CTNNA2: variants seen among roughly 807,000 people sequenced by gnomAD.
The protein encoded by CTNNA2 is catenin alpha 2, also known as catenin alpha-2.
A neutral mutation model predicts 101.0 loss-of-function variants in CTNNA2; 42 were observed. The ratio of observed to expected loss-of-function variants is 0.42; its 90% CI spans 0.32 to 0.54. The LOEUF is 0.54. Ranked by LOEUF, CTNNA2 falls within the 20% of genes least tolerant of loss-of-function variation. The pLI is 0.14. For missense variants in CTNNA2, 871 were observed against 1,223.1 expected, an observed-to-expected ratio of 0.71 and a Z score of 4.29; for synonymous variants, 450 against 456.4, an observed-to-expected ratio of 0.99 and a Z score of 0.18.
At chr2:80,529,829 C>G (rs1023442404) in intron 9 of CTNNA2, among the ~76,000 whole-genome samples, 1 of 152,132 alleles carries the variant, frequency 6.6e-6, no homozygotes. Context: ...CAGACTGATT[C>G]AGCGAGGGGG....
intron 3 of CTNNA2, among the ~76,000 whole-genome samples, chr2:79,820,698 A>G (rs1023371511): frequency 3.3e-5 from 5 of 152,236 alleles, no homozygotes; most frequent in Non-Finnish European, 7.3e-5. Context: ...ATTTTGAAAC[A>G]TGTCTGAAAG....
chr2:79,297,042 C>T (rs1204375972), intron 2 of CTNNA2, among the ~76,000 whole-genome samples: 1 of 152,076 alleles, frequency 6.6e-6, no homozygotes, highest in African/African-American at 2.4e-5. Context: ...GATTTGTCCC[C>T]ATGTATCATT....
At chr2:79,793,837 TTTTCA>T (rs955039535) in intron 3 of CTNNA2, among the ~76,000 whole-genome samples, 12 of 152,046 alleles carry the variant, frequency 7.9e-5, no homozygotes, top group African/African-American at 2.7e-4. Context: ...TTCATTTTTC[TTTTCA>T]TTTCTTTTTC....
intron 4 of CTNNA2, among the ~76,000 whole-genome samples, chr2:79,411,212 T>C (rs543437528): frequency 1.3e-5 from 2 of 152,186 alleles, no homozygotes; most frequent in East Asian, 3.9e-4. Context: ...TTAGTCTTGC[T>C]AGCGGTCTAT....
At chr2:79,376,895 T>A (rs1344731146) in intron 4 of CTNNA2, among the ~76,000 whole-genome samples, 1 of 152,228 alleles carries the variant, frequency 6.6e-6, no homozygotes, top group Non-Finnish European at 1.5e-5. Context: ...TTGTTGGACA[T>A]TTGGCTTGGT....
intron 3 of CTNNA2, among the ~76,000 whole-genome samples, chr2:79,349,265 A>G (rs993612937): frequency 6.6e-6 from 1 of 152,226 alleles, no homozygotes; most frequent in Non-Finnish European, 1.5e-5. Context: ...CAAGCGTGCT[A>G]TTCTTGCAAC....
intron 3 of CTNNA2, among the ~76,000 whole-genome samples, chr2:79,321,435 T>C (rs796508835): frequency 1.3e-5 from 2 of 152,188 alleles, no homozygotes; most frequent in Non-Finnish European, 2.9e-5. Flanking sequence ...ATTGGTTCTA[T>C]AGCAGCTGAG....
At chr2:79,599,332 CCT>C (rs1677399200) in intron 1 of CTNNA2, among the ~76,000 whole-genome samples, 1 of 152,008 alleles carries the variant, frequency 6.6e-6, no homozygotes, top group Non-Finnish European at 1.5e-5. Flanking sequence ...GAAAAACAAA[CCT>C]ATAAGTATTA....
At chr2:80,454,546 T>C (rs1202239559) in intron 9 of CTNNA2, among the ~76,000 whole-genome samples, 1 of 152,236 alleles carries the variant, frequency 6.6e-6, no homozygotes, top group African/African-American at 2.4e-5. Context: ...TTGAACGTGT[T>C]CAAATGTTAG....
intron 3 of CTNNA2, among the ~76,000 whole-genome samples, chr2:79,834,921 G>A (rs561861804): frequency 2.6e-5 from 4 of 151,898 alleles, no homozygotes; most frequent in African/African-American, 9.7e-5. Context: ...TCAATATTTA[G>A]CACTGTTTAT....
At chr2:80,356,872 T>C (rs1673865213) in intron 7 of CTNNA2, among the ~76,000 whole-genome samples, 2 of 152,310 alleles carry the variant, frequency 1.3e-5, no homozygotes, top group South Asian at 4.1e-4. Context: ...TGAATCAAAA[T>C]ACCTTTTGGT....
intron 7 of CTNNA2, among the ~76,000 whole-genome samples, chr2:79,970,282 C>T (rs1690385206): frequency 6.6e-6 from 1 of 152,168 alleles, no homozygotes; most frequent in African/African-American, 2.4e-5. Flanking sequence ...CAACCTCTTG[C>T]TAGATCAGGG....
At chr2:79,762,638 C>A (rs1317299260) in intron 3 of CTNNA2, among the ~76,000 whole-genome samples, 1 of 152,050 alleles carries the variant, frequency 6.6e-6, no homozygotes, top group Non-Finnish European at 1.5e-5. Context: ...AAGACCTGGT[C>A]AAAAATCAGC....
At chr2:80,028,144 A>G (rs1445948220) in intron 7 of CTNNA2, 1 of 152,198 alleles carries the variant, frequency 6.6e-6, no homozygotes, top group Non-Finnish European at 1.5e-5. Flanking sequence ...GGTTGCTGAA[A>G]GGATCCTGGG....
chr2:79,443,115 C>G (rs1327593837), intron 4 of CTNNA2, among the ~76,000 whole-genome samples: 1 of 152,010 alleles, frequency 6.6e-6, no homozygotes, highest in Admixed American at 6.6e-5. Flanking sequence ...TCCAGAGAAA[C>G]AGAACAAATA....
chr2:80,057,399 G>A (rs532882492), intron 7 of CTNNA2, among the ~76,000 whole-genome samples: 1 of 152,262 alleles, frequency 6.6e-6, no homozygotes, highest in Admixed American at 6.5e-5. Context: ...GAACATGTAT[G>A]CTTTTGGTTC....
At chr2:80,398,224 G>T (rs1678214759) in intron 8 of CTNNA2, among the ~76,000 whole-genome samples, 1 of 152,080 alleles carries the variant, frequency 6.6e-6, no homozygotes, top group Non-Finnish European at 1.5e-5. Context: ...GCGTTCTATT[G>T]TTTTTCTCAC....
chr2:79,858,306 G>A, intron 4 of CTNNA2, 127 bp downstream of exon 4: 1 of 535,852 alleles, frequency 1.9e-6, no homozygotes, highest in East Asian at 3.1e-5. Flanking sequence ...CTACCCATGT[G>A]GTGCCCACGT....
chr2:80,544,834 G>T, intron 9 of CTNNA2, 148 bp from the exon 10 acceptor site: 1 of 613,754 alleles, frequency 1.6e-6, no homozygotes, highest in East Asian at 2.8e-5. Context: ...AGTACTAGTT[G>T]GTTCTACATG....
Sources: allele counts gnomAD v4.1 joint callset (sites outside exome capture counted in the v4.1 genomes callset), GRCh38; gene constraint gnomAD v4.1.1; transcripts MANE v1.5; gene names NCBI Gene and HGNC (gene_info 2026-07-23, HGNC 2026-07-21).